BTN2A2: variants seen among roughly 807,000 people sequenced by gnomAD.
The protein encoded by BTN2A2 is butyrophilin subfamily 2 member A2.
A neutral mutation model predicts 34.7 loss-of-function variants in BTN2A2; 29 were observed. That is an observed-to-expected ratio of 0.84 (90% CI 0.62 to 1.14). BTN2A2 has a LOEUF of 1.14. Among genes scored for constraint, BTN2A2 ranks in the 50% most tolerant of loss-of-function variants. The pLI is 0.00. For missense variants in BTN2A2, 612 were observed against 651.5 expected (o/e 0.94, Z 0.66); for synonymous variants, 240 against 253.1 (o/e 0.95, Z 0.49).
Position 26,394,571 on chromosome 6 carries a change from G to T in BTN2A2, c.*1604G>T, listed in dbSNP as rs1368725265. The T allele has an allele frequency of 2.2e-6, 1 of 464,366 alleles. No homozygotes were observed. The highest frequency in any genetic ancestry group is 3.8e-6 in the Non-Finnish European group (1 of 262,022). 28.8% of individuals were successfully genotyped at this position (464,366 alleles called of 1,614,324 possible). On this transcript the variant is annotated 3_prime_UTR_variant, in exon 8 of 8. Coordinates refer to ENST00000356709, the MANE Select transcript of BTN2A2 (RefSeq NM_006995.5). ...TCAGGACTTGTACCAGGAGGCCCTGGGTTCTCAGGCCTTTGGCTTTGGACT... is the reference window on the plus strand; with the variant it reads ...TCAGGACTTGTACCAGGAGGCCCTGTGTTCTCAGGCCTTTGGCTTTGGACT...
chr6:26,393,297 C>A lies in BTN2A2; in HGVS notation c.*330C>A. Reference sequence around the variant, plus strand: ...TAAAATCAGGATAACCACATTAAGCCCAATATGCCAGTTGGCACCAGATGC... The same window carrying A: ...TAAAATCAGGATAACCACATTAAGCACAATATGCCAGTTGGCACCAGATGC... On this transcript the variant is annotated 3_prime_UTR_variant, in exon 8 of 8. Coordinates refer to ENST00000356709, the MANE Select transcript of BTN2A2 (RefSeq NM_006995.5). 1 of 1,305,576 alleles carries A rather than the reference C, an allele frequency of 7.7e-7. No individual in the cohort carries two copies. 80.9% of individuals were successfully genotyped at this position (1,305,576 alleles called of 1,614,324 possible).
chr6:26,389,196 TAATC>T (rs1761414206), intron 4 of BTN2A2, among the ~76,000 whole-genome samples: 1 of 152,158 alleles, frequency 6.6e-6, no homozygotes, highest in Non-Finnish European at 1.5e-5. Context: ...AAATAAATAA[TAATC>T]TATATATTCT....
intron 3 of BTN2A2, 49 bp from the exon 4 acceptor site, chr6:26,387,964 G>A (rs1761307706): frequency 1.9e-6 from 3 of 1,558,224 alleles, no homozygotes; most frequent in African/African-American, 2.7e-5. Context: ...GGTGCAGTAG[G>A]GGCTAAGATA....
In BTN2A2 at chr6:26,385,365, G is replaced by T; in HGVS notation, c.442+3G>T. 6.2e-7 allele frequency: 1 copy of T among 1,610,222 alleles called. No individual in the cohort carries two copies. Among genetic ancestry groups the T allele is most frequent in the Non-Finnish European group, 8.5e-7 (1 of 1,177,060 alleles). On this transcript the variant is annotated splice_donor_region_variant and intron_variant, in intron 3 of 7. Transcript: ENST00000356709. ...CATCCTACGCCTCGTGGTGGCAGGT[G>T]CATCACTTCATTTTGCTTTATTACT...
intron 5 of BTN2A2, chr6:26,390,460 A>T: frequency 1.5e-6 from 1 of 684,710 alleles, no homozygotes; most frequent in Non-Finnish European, 2.5e-6. Context: ...GGCTATATGC[A>T]GCACTACATG....
chr6:26,392,409 C>G lies in BTN2A2; in HGVS notation c.1014C>G (p.Pro338=). The G allele has an allele frequency of 6.2e-7, 1 of 1,614,212 alleles. No homozygotes were observed. The highest frequency in any genetic ancestry group is 8.5e-7 in the Non-Finnish European group (1 of 1,180,036). ...TCCTGGATCCAGACACCGCTCATCC[C>G]GAGCTCTTCCTGTCAGAGGACCGGA... ...DVVLDPDTAH[P]ELFLSEDRRS... The change falls in exon 8 of 8, where the codon CCC becomes CCG. Residue 338 remains proline, a synonymous_variant. Coordinates refer to ENST00000356709, the MANE Select transcript of BTN2A2 (RefSeq NM_006995.5).
rs1234366412 is a variant in BTN2A2, at chr6:26,393,235, AAAGT to A, written c.*269_*272del. On this transcript the variant is annotated 3_prime_UTR_variant, in exon 8 of 8. Transcript: ENST00000356709. ...TGTTTCATAGCTCCCAGTCAAAAAG[AAAGT>A]GAGAGAAGCTGTTGGGCAGCGAACC... The A allele has an allele frequency of 5.3e-5, 78 of 1,475,478 alleles. No homozygotes were observed. Among genetic ancestry groups the A allele is most frequent in the Middle Eastern group, 4.0e-4 (2 of 5,050 alleles). 91.4% of individuals were successfully genotyped at this position (1,475,478 alleles called of 1,614,324 possible).
At position 26,385,046 on chromosome 6, in the gene BTN2A2, CA is replaced by C; in HGVS notation, c.127del (p.Ile43SerfsTer61). 6.2e-7 allele frequency: 1 copy of C among 1,613,912 alleles called. No individual in the cohort carries two copies. Among genetic ancestry groups the C allele is most frequent in the African/African-American group, 1.3e-5 (1 of 75,012 alleles). ...QFTVVGPANPILAMVGENTTL... is the reference protein window; with the variant it reads ...QFTVVGPANPXLAMVGENTTL... ...TTACTGTCGTGGGGCCAGCTAATCCCATCCTGGCCATGGTGGGAGAAAACAC... is the reference window on the plus strand; with the variant it reads ...TTACTGTCGTGGGGCCAGCTAATCCCTCCTGGCCATGGTGGGAGAAAACAC... On this transcript the variant is annotated frameshift_variant, in exon 3 of 8. Coordinates refer to ENST00000356709, the MANE Select transcript of BTN2A2 (RefSeq NM_006995.5). LOFTEE classifies it high-confidence loss of function.
chr6:26,389,175 A>T (rs545318305), intron 4 of BTN2A2, among the ~76,000 whole-genome samples: 2 of 152,342 alleles, frequency 1.3e-5, no homozygotes, highest in African/African-American at 4.8e-5. Flanking sequence ...AAATAATTGA[A>T]ACAAGTGATT....
rs113221400 is a variant in BTN2A2, at chr6:26,383,469, G to A, written c.-31+288G>A. 3.1e-3 allele frequency: 756 copies of A among 242,304 alleles called. 3 individuals carry two copies. The highest frequency in any genetic ancestry group is 0.015 in the African/African-American group (662 of 43,704). The allele number at this position is 242,304 out of a possible 1,614,324, so 15.0% of individuals were successfully genotyped here. Reference sequence around the variant, plus strand: ...GCGCAGCCTCGCCTGGCTTTACCTCGAGTGTCCCGACCTGGGTCTCGGGGA... The same window carrying A: ...GCGCAGCCTCGCCTGGCTTTACCTCAAGTGTCCCGACCTGGGTCTCGGGGA... On this transcript the variant is annotated intron_variant, in intron 1 of 7. Coordinates refer to ENST00000356709, the MANE Select transcript of BTN2A2 (RefSeq NM_006995.5). This position sits in a 1 kb window ranked among gnomAD's most constrained non-coding sequence, Gnocchi z 4.4.
chr6:26,386,221 C>G (rs982637025), intron 3 of BTN2A2, among the ~76,000 whole-genome samples: 1 of 152,200 alleles, frequency 6.6e-6, no homozygotes, highest in African/African-American at 2.4e-5. Flanking sequence ...AAGAATTTAG[C>G]TGGGAAGAAA....
In BTN2A2 at chr6:26,383,495, G is replaced by C. The variant is rs563205202; in HGVS notation, c.-30-297G>C. The C allele has an allele frequency of 1.2e-3, 324 of 280,442 alleles. No individual in the cohort carries two copies. The highest frequency in any genetic ancestry group is 1.7e-3 in the East Asian group (18 of 10,508). The allele number at this position is 280,442 out of a possible 1,614,324, so 17.4% of individuals were successfully genotyped here. On this transcript the variant is annotated intron_variant, in intron 1 of 7. Transcript: ENST00000356709. This position sits in a 1 kb window ranked among gnomAD's most constrained non-coding sequence, Gnocchi z 4.4. ...AGTGTCCCGACCTGGGTCTCGGGGAGGGGGAAGTGGAGGGACGAGGGTGTG... is the reference window on the plus strand; with the variant it reads ...AGTGTCCCGACCTGGGTCTCGGGGACGGGGAAGTGGAGGGACGAGGGTGTG...
chr6:26,393,003 C>T lies in BTN2A2; in HGVS notation c.*36C>T. 3 of 1,613,800 alleles carry T rather than the reference C, an allele frequency of 1.9e-6. No homozygotes were observed. The highest frequency in any genetic ancestry group is 1.7e-6 in the Non-Finnish European group (2 of 1,179,860). ...TTGGACTCACAGCCATGCAGATAAG[C>T]CCTGGCCATCTCAGCAGCCACCGCA... On this transcript the variant is annotated 3_prime_UTR_variant, in exon 8 of 8. Coordinates refer to ENST00000356709, the MANE Select transcript of BTN2A2 (RefSeq NM_006995.5).
intron 7 of BTN2A2, 103 bp downstream of exon 7, chr6:26,390,932 A>G: frequency 6.4e-7 from 1 of 1,558,314 alleles, no homozygotes; most frequent in Non-Finnish European, 8.8e-7. Context: ...CTACACAGGG[A>G]CCATAGGGAA....
Position 26,393,674 on chromosome 6 carries a change from T to C in BTN2A2, c.*707T>C, listed in dbSNP as rs949618931. 8.1e-6 allele frequency: 8 copies of C among 991,106 alleles called. No homozygotes were observed. In the East Asian group the frequency reaches 7.8e-4, roughly 97 times the overall value. 61.4% of individuals were successfully genotyped at this position (991,106 alleles called of 1,614,324 possible). A position where few individuals can be genotyped will look rare whatever the true frequency, so the allele number is the denominator to read the frequency against. ...GTCAGTACTTAGTCCCTGAGTGTGG[T>C]TGAGGTTTGAGGTCCTGGTCGAGCA... On this transcript the variant is annotated 3_prime_UTR_variant, in exon 8 of 8. Coordinates refer to ENST00000356709, the MANE Select transcript of BTN2A2 (RefSeq NM_006995.5).
In BTN2A2 at chr6:26,394,519, A is replaced by G; in HGVS notation, c.*1552A>G. On this transcript the variant is annotated 3_prime_UTR_variant, in exon 8 of 8. Coordinates refer to ENST00000356709, the MANE Select transcript of BTN2A2 (RefSeq NM_006995.5). ...TTCTTCTTCTGCCCTTGGACATCAG[A>G]ACTCCTGGCTCTCCGGCCTTTGAAC... 1.9e-6 allele frequency: 1 copy of G among 526,072 alleles called. No homozygotes were observed. The highest frequency in any genetic ancestry group is 3.1e-5 in the East Asian group (1 of 32,476). The allele number at this position is 526,072 out of a possible 1,614,324, so 32.6% of individuals were successfully genotyped here.
At chr6:26,389,336 G>A (rs1761423022) in intron 4 of BTN2A2, among the ~76,000 whole-genome samples, 1 of 152,106 alleles carries the variant, frequency 6.6e-6, no homozygotes, top group Non-Finnish European at 1.5e-5. Context: ...TGGAAATTGA[G>A]CAATCAAGAC....
Position 26,383,991 on chromosome 6 carries a change from GGAA to G in BTN2A2, c.94+80_94+82del. ...CCCTGTAGTCTGCAAAGGGAAAGAA[GGAA>G]GAACTGTGGGGTTGTTGACTTATCC... On this transcript the variant is annotated intron_variant, in intron 2 of 7. Transcript: ENST00000356709. This position sits in a 1 kb window ranked among gnomAD's most constrained non-coding sequence, Gnocchi z 4.4. The G allele has an allele frequency of 6.7e-7, 1 of 1,497,996 alleles. No individual in the cohort carries two copies. The highest frequency in any genetic ancestry group is 9.3e-7 in the Non-Finnish European group (1 of 1,075,536). 92.8% of individuals were successfully genotyped at this position (1,497,996 alleles called of 1,614,324 possible).
rs9467741 is a variant in BTN2A2 at position 26,383,231 on chromosome 6, G to A, written c.-31+50G>A. ...TTGGGATGCTTTGTTGTCTGGTGGT[G>A]ACTGTGCCCATGGGTGAGTTGTATC... On this transcript the variant is annotated intron_variant, in intron 1 of 7. Transcript: ENST00000356709. This position sits in a 1 kb window ranked among gnomAD's most constrained non-coding sequence, Gnocchi z 4.4. 0.22 allele frequency: 34,040 copies of A among 153,290 alleles called. 6,278 individuals carry two copies. Among genetic ancestry groups the A allele is most frequent in the African/African-American group, 0.51 (21,036 of 41,384 alleles). 9.5% of individuals were successfully genotyped at this position (153,290 alleles called of 1,614,324 possible). A position where few individuals can be genotyped will look rare whatever the true frequency, so the allele number is the denominator to read the frequency against.
Sources: allele counts gnomAD v4.1 joint callset (sites outside exome capture counted in the v4.1 genomes callset), GRCh38; gene constraint gnomAD v4.1.1; non-coding constraint Gnocchi (gnomAD v3.1); transcripts MANE v1.5; gene names NCBI Gene and HGNC (gene_info 2026-07-23, HGNC 2026-07-21).